Variants in ARMC1 observed in about 807,000 individuals in gnomAD.
ARMC1 encodes the protein armadillo repeat containing 1.
In ARMC1, 16 loss-of-function variants were observed where a neutral mutation model predicts 31.4. The ratio of observed to expected loss-of-function variants is 0.51; its 90% CI spans 0.34 to 0.77. ARMC1 has a LOEUF of 0.77. Ranked by LOEUF, ARMC1 falls within the 30% of genes least tolerant of loss-of-function variation. The pLI, the probability that ARMC1 is intolerant of heterozygous loss-of-function variation, is 0.01. For missense variants in ARMC1, 259 were observed against 347.5 expected, an observed-to-expected ratio of 0.75 and a Z score of 2.02; for synonymous variants, 114 against 118.9, an observed-to-expected ratio of 0.96 and a Z score of 0.27.
intron 1 of ARMC1, among the ~76,000 whole-genome samples, chr8:65,632,270 C>A (rs141066965): frequency 1.1e-3 from 170 of 152,192 alleles, no homozygotes; most frequent in African/African-American, 3.8e-3. Flanking sequence ...AAAACCCCAT[C>A]TCTACTAAAA....
chr8:65,632,988 T>C (rs572019954), intron 1 of ARMC1: 1 of 152,330 alleles, frequency 6.6e-6, no homozygotes, highest in African/African-American at 2.4e-5. Context: ...CTCTGGTCAG[T>C]TAAAGGTTCC....
intron 1 of ARMC1, among the ~76,000 whole-genome samples, chr8:65,632,685 C>T (rs781365068): frequency 5.3e-5 from 8 of 151,920 alleles, no homozygotes; most frequent in Admixed American, 1.3e-4. Context: ...GCCTGTAATC[C>T]CAGCACTTCG....
At chr8:65,614,152 T>C (rs1808201993) in intron 3 of ARMC1, among the ~76,000 whole-genome samples, 1 of 152,194 alleles carries the variant, frequency 6.6e-6, no homozygotes, top group African/African-American at 2.4e-5. Flanking sequence ...ATTCATACTA[T>C]CAACTAATTT....
At position 65,617,371 on chromosome 8, in the gene ARMC1, G is replaced by A. The variant is rs551344047; in HGVS notation, c.276-3938C>T. Among the ~76,000 whole-genome samples, 4 of 152,294 alleles carry A rather than the reference G, an allele frequency of 2.6e-5. No individual in the cohort carries two copies. In the East Asian group the frequency reaches 5.8e-4, roughly 22 times the overall value. ...GTGCTGTGTCCACTCAGGGTTAAAT[G>A]GATTAAGGGCGGTGCAAGATGTGCT... is the stretch of plus-strand genomic sequence containing the variant. On this transcript the variant is annotated intron_variant, in intron 3 of 6. Coordinates refer to ENST00000276569, the MANE Select transcript of ARMC1 (RefSeq NM_018120.6).
intron 4 of ARMC1, among the ~76,000 whole-genome samples, chr8:65,608,375 A>C (rs549455400): frequency 6.6e-6 from 1 of 152,246 alleles, no homozygotes; most frequent in African/African-American, 2.4e-5. Context: ...AAAAATACAA[A>C]AAAATTAGCG....
intron 4 of ARMC1, among the ~76,000 whole-genome samples, chr8:65,607,918 C>A (rs1217154818): frequency 6.6e-6 from 1 of 151,598 alleles, no homozygotes; most frequent in Non-Finnish European, 1.5e-5. Context: ...TTTAAAAAAA[C>A]AAAAAGAAAA....
intron 3 of ARMC1, among the ~76,000 whole-genome samples, chr8:65,616,997 G>A (rs1184649892): frequency 1.3e-5 from 2 of 150,708 alleles, no homozygotes; most frequent in Non-Finnish European, 3.0e-5. Flanking sequence ...ATCCAGGAGG[G>A]AGGCGGGGGG....
chr8:65,611,959 A>G (rs967109897), intron 4 of ARMC1, among the ~76,000 whole-genome samples: 10 of 151,778 alleles, frequency 6.6e-5, no homozygotes, highest in Admixed American at 6.6e-4. Flanking sequence ...TTTAGTAGAG[A>G]TGGGGTTTCA....
chr8:65,614,825 T>C (rs923230113), intron 3 of ARMC1, among the ~76,000 whole-genome samples: 1 of 152,214 alleles, frequency 6.6e-6, no homozygotes, highest in South Asian at 2.1e-4. Context: ...CCAACTCTTA[T>C]TTCAATGCTT....
intron 1 of ARMC1, 97 bp from the exon 2 acceptor site, chr8:65,627,530 G>A: frequency 1.6e-6 from 1 of 627,052 alleles, no homozygotes; most frequent in Non-Finnish European, 2.4e-6. Flanking sequence ...AAAGAATCAG[G>A]TAACTAAAAC....
Position 65,622,265 on chromosome 8 carries a change from CTGTA to C in ARMC1, c.269_272del (p.Ile90ArgfsTer34). The C allele has an allele frequency of 6.2e-7, 1 of 1,608,190 alleles. No homozygotes were observed. Among genetic ancestry groups the C allele is most frequent in the Non-Finnish European group, 8.5e-7 (1 of 1,174,852 alleles). On this transcript the variant is annotated frameshift_variant, in exon 3 of 7. Transcript: ENST00000276569. LOFTEE classifies it high-confidence loss of function. Reference sequence around the variant, plus strand: ...GAGACACTGTCTATTGTACTTACTTCTGTATAACATTTTGTAAGCTCAACATCAT... The same window carrying C: ...GAGACACTGTCTATTGTACTTACTTCTAACATTTTGTAAGCTCAACATCAT...
At chr8:65,608,828 G>T (rs1808060090) in intron 4 of ARMC1, among the ~76,000 whole-genome samples, 1 of 152,002 alleles carries the variant, frequency 6.6e-6, no homozygotes, top group African/African-American at 2.4e-5. Flanking sequence ...AGAATTGCTT[G>T]AACCTGGGAG....
intron 4 of ARMC1, among the ~76,000 whole-genome samples, chr8:65,611,376 C>T (rs1018221914): frequency 6.6e-6 from 1 of 152,112 alleles, no homozygotes; most frequent in Non-Finnish European, 1.5e-5. Flanking sequence ...CAAACACCAG[C>T]TTTTGATTTC....
intron 4 of ARMC1, among the ~76,000 whole-genome samples, chr8:65,607,574 GA>G (rs1808031781): frequency 6.6e-6 from 1 of 152,146 alleles, no homozygotes; most frequent in Non-Finnish European, 1.5e-5. Context: ...CTAGCTCCAA[GA>G]GAGCAAAAAG....
At chr8:65,606,340 G>A (rs1306231054) in intron 4 of ARMC1, among the ~76,000 whole-genome samples, 3 of 140,466 alleles carry the variant, frequency 2.1e-5, no homozygotes, top group South Asian at 2.2e-4. Flanking sequence ...CAGCCTGGGC[G>A]ACAGAGCAAG....
At chr8:65,605,114 CTA>C in intron 6 of ARMC1, 147 bp downstream of exon 6, 1 of 656,664 alleles carries the variant, frequency 1.5e-6, no homozygotes, top group East Asian at 2.7e-5. Flanking sequence ...AAAGATCTCT[CTA>C]TATTTCTAAA....
chr8:65,603,465 CATT>C lies in ARMC1; in HGVS notation c.*926_*928del, dbSNP rs1437588740. ...AAAGTTGGACTCTATACCAAACTGG[CATT>C]ATGGTATTATAGGCATTTGATTTTT... On this transcript the variant is annotated 3_prime_UTR_variant, in exon 7 of 7. Transcript: ENST00000276569. 2.0e-5 allele frequency: 3 copies of C among 152,180 alleles called. No individual in the cohort carries two copies. The highest frequency in any genetic ancestry group is 4.4e-5 in the Non-Finnish European group (3 of 68,024). The allele number at this position is 152,180 out of a possible 1,614,324, so 9.4% of individuals were successfully genotyped here. A position where few individuals can be genotyped will look rare whatever the true frequency, so the allele number is the denominator to read the frequency against.
Position 65,604,602 on chromosome 8 carries a change from TGA to T in ARMC1, c.658-19_658-18del, listed in dbSNP as rs1807962838. On this transcript the variant is annotated intron_variant, in intron 6 of 6. Transcript: ENST00000276569. Reference sequence around the variant, plus strand: ...GACCAACATCTGATACAGAAAATATTGAGAGTTATTACAAAATCAACTTTACT... The same window carrying T: ...GACCAACATCTGATACAGAAAATATTGAGTTATTACAAAATCAACTTTACT... 2.5e-6 allele frequency: 4 copies of T among 1,606,490 alleles called. No homozygotes were observed. The highest frequency in any genetic ancestry group is 3.4e-6 in the Non-Finnish European group (4 of 1,175,448).
chr8:65,611,860 A>C (rs1585705983), intron 4 of ARMC1, among the ~76,000 whole-genome samples: 1 of 148,388 alleles, frequency 6.7e-6, no homozygotes. Flanking sequence ...CACAACCTCC[A>C]CCTCCTGGGT....
Sources: allele counts gnomAD v4.1 joint callset (sites outside exome capture counted in the v4.1 genomes callset), GRCh38; gene constraint gnomAD v4.1.1; transcripts MANE v1.5; gene names NCBI Gene and HGNC (gene_info 2026-07-23, HGNC 2026-07-21).